PDE6A: variants seen among roughly 807,000 people sequenced by gnomAD.
The protein encoded by PDE6A is phosphodiesterase 6A.
PDE6A carries 84 observed loss-of-function variants against 106.3 expected under a neutral mutation model. The ratio of observed to expected loss-of-function variants is 0.79; its 90% CI spans 0.66 to 0.95. The LOEUF (loss-of-function observed/expected upper bound fraction) is 0.95, where lower values mean the gene tolerates loss of function less well. Among genes scored for constraint, PDE6A ranks in the 40% least tolerant of loss-of-function variants. The pLI is 0.00. For missense variants in PDE6A, 1,052 were observed against 1,084.9 expected (o/e 0.97, Z 0.43); for synonymous variants, 394 against 386.6 (o/e 1.02, Z -0.23).
rs1752973658 is a variant in PDE6A at position 149,901,392 on chromosome 5, G to A, written c.1114-1868C>T. On this transcript the variant is annotated intron_variant, in intron 8 of 21. Coordinates refer to ENST00000255266, the MANE Select transcript of PDE6A (RefSeq NM_000440.3). ...GAAAATAAAAAATTAGCTGAGAATG[G>A]GGGCGCATGCCTGTAATCCCAGCCA... Among the ~76,000 whole-genome samples the A allele has an allele frequency of 3.3e-5, 5 of 152,102 alleles. No homozygotes were observed. The South Asian group carries it at 1.0e-3, about 32-fold the overall frequency.
At chr5:149,907,203 G>A in intron 7 of PDE6A, 109 bp downstream of exon 7, 1 of 871,404 alleles carries the variant, frequency 1.1e-6, no homozygotes, top group Admixed American at 1.7e-5. Context: ...TAGGCTTTTA[G>A]AGATCCACAC....
chr5:149,894,845 G>A (rs1467069175), intron 13 of PDE6A, among the ~76,000 whole-genome samples: 1 of 151,914 alleles, frequency 6.6e-6, no homozygotes, highest in Non-Finnish European at 1.5e-5. Context: ...TGGCCAGGCT[G>A]GTCTTGAACT....
In PDE6A at chr5:149,863,278, AG is replaced by A; in HGVS notation, c.2359-13del. The A allele has an allele frequency of 1.2e-6, 2 of 1,614,028 alleles. No homozygotes were observed. Among genetic ancestry groups the A allele is most frequent in the Non-Finnish European group, 1.7e-6 (2 of 1,179,946 alleles). ...AAACGGGAGAATTCCTAGAAGAGAG[AG>A]TATGTGCCTCTGGTGCAAGGGCCAG... On this transcript the variant is annotated splice_polypyrimidine_tract_variant and intron_variant, in intron 20 of 21. Coordinates refer to ENST00000255266, the MANE Select transcript of PDE6A (RefSeq NM_000440.3). The surrounding 1 kb of genome is among the most constrained non-coding windows in gnomAD (Gnocchi z 4.7).
rs1484456217 is a variant in PDE6A, at chr5:149,944,726, A to G, written c.-53T>C. ...AGAAGGACTGGGACGGAGGCCTTCC[A>G]ATGGCAGTTTTGCAGTCTGCAACAA... On this transcript the variant is annotated 5_prime_UTR_variant, in exon 1 of 22. Coordinates refer to ENST00000255266, the MANE Select transcript of PDE6A (RefSeq NM_000440.3). The G allele has an allele frequency of 6.1e-6, 9 of 1,464,646 alleles. No individual in the cohort carries two copies. Among genetic ancestry groups the G allele is most frequent in the African/African-American group, 2.8e-5 (2 of 72,014 alleles). The allele number at this position is 1,464,646 out of a possible 1,614,324, so 90.7% of individuals were successfully genotyped here.
At chr5:149,935,905 A>G (rs1474674158) in intron 1 of PDE6A, among the ~76,000 whole-genome samples, 1 of 152,138 alleles carries the variant, frequency 6.6e-6, no homozygotes, top group Non-Finnish European at 1.5e-5. Flanking sequence ...TAATCCCAGC[A>G]CTTTGGAAGG....
chr5:149,891,900 A>G (rs1270523912), intron 13 of PDE6A, among the ~76,000 whole-genome samples: 1 of 152,216 alleles, frequency 6.6e-6, no homozygotes, highest in Non-Finnish European at 1.5e-5. Context: ...CCACTGGATC[A>G]TCTGAACACT....
At chr5:149,924,884 A>G (rs1470026029) in intron 4 of PDE6A, among the ~76,000 whole-genome samples, 2 of 152,180 alleles carry the variant, frequency 1.3e-5, no homozygotes, top group African/African-American at 4.8e-5. Context: ...TCACTGGGCA[A>G]GGAGGACAAA....
intron 5 of PDE6A, among the ~76,000 whole-genome samples, chr5:149,920,992 A>AAGAAAGAAAGAAAG (rs376178582): frequency 0.014 from 1,866 of 133,242 alleles, 47 homozygotes; most frequent in African/African-American, 0.037. Context: ...GAAAGAAAGA[A>AAGAAAGAAAGAAAG]AGAAAAAGAA....
chr5:149,865,010 C>A (rs997984422), intron 20 of PDE6A, among the ~76,000 whole-genome samples: 1 of 152,084 alleles, frequency 6.6e-6, no homozygotes, highest in Non-Finnish European at 1.5e-5. Context: ...GAGGCCGAGG[C>A]GGGTGGATCG....
At chr5:149,865,723 A>G (rs1160027675) in intron 20 of PDE6A, among the ~76,000 whole-genome samples, 1 of 152,214 alleles carries the variant, frequency 6.6e-6, no homozygotes, top group Non-Finnish European at 1.5e-5. Context: ...TAAAAATTAA[A>G]AGTCAGAGGT....
chr5:149,904,615 G>T (rs1002167707), intron 7 of PDE6A, among the ~76,000 whole-genome samples: 10 of 152,210 alleles, frequency 6.6e-5, no homozygotes, highest in African/African-American at 2.4e-4. Context: ...TTCTCAAAAA[G>T]GCACCACCTG....
Position 149,944,319 on chromosome 5 carries a change from C to A in PDE6A, c.355G>T (p.Ala119Ser). 6.2e-7 allele frequency: 1 copy of A among 1,614,134 alleles called. No homozygotes were observed. Among genetic ancestry groups the A allele is most frequent in the Non-Finnish European group, 8.5e-7 (1 of 1,180,020 alleles). ...ATRLFNVHKD[A>S]VLEDCLVMPD... ...ATCACCAGGCAGTCCTCGAGGACAG[C>A]ATCCTTGTGGACATTGAAAAGCCTG... The change falls in exon 1 of 22, where the codon GCT becomes TCT. Residue 119 changes from alanine (A) to serine (S), a missense_variant. Ala to Ser is a moderately conservative substitution (Grantham distance 99, BLOSUM62 1). Around this residue, in one of 3 missense-constraint regions of PDE6A, gnomAD observed 913 missense variants for 915.2 expected, o/e 1.00. Coordinates refer to ENST00000255266, the MANE Select transcript of PDE6A (RefSeq NM_000440.3).
At chr5:149,924,685 G>A (rs1253823957) in intron 4 of PDE6A, among the ~76,000 whole-genome samples, 1 of 152,180 alleles carries the variant, frequency 6.6e-6, no homozygotes, top group Non-Finnish European at 1.5e-5. Context: ...GTATGTGTAT[G>A]AACATTTGTT....
chr5:149,918,175 G>C (rs1753608952), intron 5 of PDE6A, among the ~76,000 whole-genome samples: 1 of 152,122 alleles, frequency 6.6e-6, no homozygotes, highest in Non-Finnish European at 1.5e-5. Context: ...CCCAAATGTG[G>C]GTAAAAGCAT....
At chr5:149,880,880 G>A (rs1265675167) in intron 17 of PDE6A, among the ~76,000 whole-genome samples, 1 of 152,034 alleles carries the variant, frequency 6.6e-6, no homozygotes, top group Non-Finnish European at 1.5e-5. Flanking sequence ...CCAACATGGT[G>A]AAACCCCGTC....
In PDE6A at chr5:149,884,463, G is replaced by A. The variant is rs370464561; in HGVS notation, c.2027+16C>T. 30 of 1,528,466 alleles carry A rather than the reference G, an allele frequency of 2.0e-5. No homozygotes were observed. Among genetic ancestry groups the A allele is most frequent in the African/African-American group, 4.1e-5 (3 of 73,036 alleles). 94.7% of individuals were successfully genotyped at this position (1,528,466 alleles called of 1,614,324 possible). A position where few individuals can be genotyped will look rare whatever the true frequency, so the allele number is the denominator to read the frequency against. On this transcript the variant is annotated intron_variant, in intron 16 of 21. Coordinates refer to ENST00000255266, the MANE Select transcript of PDE6A (RefSeq NM_000440.3). ...TCATTGTTGCTTTTACTATTAGAAT[G>A]AGAAGATATACCAACTTGAAATACA...
intron 4 of PDE6A, among the ~76,000 whole-genome samples, chr5:149,922,183 G>C (rs2113641614): frequency 6.6e-6 from 1 of 152,238 alleles, no homozygotes; most frequent in African/African-American, 2.4e-5. Flanking sequence ...TGTGTGTGCT[G>C]ATTGGAAAGA....
At chr5:149,927,067 G>A (rs181334593) in intron 4 of PDE6A, among the ~76,000 whole-genome samples, 2 of 151,790 alleles carry the variant, frequency 1.3e-5, no homozygotes, top group Non-Finnish European at 2.9e-5. Context: ...GCGGGGATAT[G>A]CTCCAGGAAA....
chr5:149,867,322 G>T, intron 19 of PDE6A: 1 of 315,880 alleles, frequency 3.2e-6, no homozygotes, highest in Admixed American at 4.1e-5. Context: ...ACTCTGTGCT[G>T]TTAGATTAGG....
Sources: allele counts gnomAD v4.1 joint callset (sites outside exome capture counted in the v4.1 genomes callset), GRCh38; gene constraint gnomAD v4.1.1; regional missense constraint gnomAD v4.1.1; non-coding constraint Gnocchi (gnomAD v3.1); transcripts MANE v1.5; gene names NCBI Gene and HGNC (gene_info 2026-07-23, HGNC 2026-07-21).